The following CPED1 variants were observed in gnomAD, a reference collection of about 807,000 sequenced individuals.
CPED1 encodes cadherin-like and PC-esterase domain-containing protein 1.
Under a neutral mutation model 128.2 loss-of-function variants are expected in CPED1, and 114 were observed. The observed-to-expected ratio is 0.89, with a 90% CI of 0.76 to 1.04. The LOEUF is 1.04. CPED1 is among the 50% of genes least tolerant of loss of function. CPED1 has a pLI of 0.00. For synonymous variants in CPED1, 462 were observed against 426.7 expected (o/e 1.08, Z -1.02); for missense variants, 1,211 against 1,207.1 (o/e 1.00, Z -0.05).
At chr7:121,040,735 T>C (rs893890243) in intron 3 of CPED1, among the ~76,000 whole-genome samples, 3 of 152,002 alleles carry the variant, frequency 2.0e-5, no homozygotes, top group Non-Finnish European at 4.4e-5. Context: ...AGGAATATTA[T>C]GAATTACTAA....
chr7:121,048,237 T>C (rs969914602), intron 4 of CPED1, among the ~76,000 whole-genome samples: 3 of 152,184 alleles, frequency 2.0e-5, no homozygotes, highest in Non-Finnish European at 4.4e-5. Flanking sequence ...CTGCTGAACA[T>C]CTGCACCTGG....
chr7:121,195,337 A>G (rs1298729482), intron 16 of CPED1, among the ~76,000 whole-genome samples: 2 of 152,134 alleles, frequency 1.3e-5, no homozygotes, highest in African/African-American at 4.8e-5. Context: ...CCATAGTTTA[A>G]TTACTATCAT....
At chr7:121,006,030 T>G (rs192546112) in intron 2 of CPED1, among the ~76,000 whole-genome samples, 239 of 152,312 alleles carry the variant, frequency 1.6e-3, no homozygotes, top group African/African-American at 5.5e-3. Flanking sequence ...CAAACTCAGA[T>G]TCAGAGTCTC....
At chr7:121,066,616 C>T (rs1301843668) in intron 5 of CPED1, among the ~76,000 whole-genome samples, 1 of 151,876 alleles carries the variant, frequency 6.6e-6, no homozygotes, top group East Asian at 1.9e-4. Context: ...AGATCTTACC[C>T]CCTCTCACAA....
chr7:121,093,888 C>T (rs538901260), intron 5 of CPED1, among the ~76,000 whole-genome samples: 1 of 152,246 alleles, frequency 6.6e-6, no homozygotes, highest in Non-Finnish European at 1.5e-5. Context: ...TGTTAACAGT[C>T]CCTTCTTTAA....
chr7:121,014,236 A>G (rs10277935), intron 2 of CPED1, among the ~76,000 whole-genome samples: 71,512 of 152,036 alleles, frequency 0.47, 17,930 homozygotes, highest in South Asian at 0.65. Flanking sequence ...TATATGTTAA[A>G]TGATCTTGTG....
intron 22 of CPED1, among the ~76,000 whole-genome samples, chr7:121,271,694 C>G (rs1792232882): frequency 6.6e-6 from 1 of 152,032 alleles, no homozygotes; most frequent in African/African-American, 2.4e-5. Context: ...AATATGGGAA[C>G]CTGGAGAGCA....
chr7:121,142,248 C>A (rs1331020429), intron 16 of CPED1, 107 bp downstream of exon 16: 3 of 1,015,270 alleles, frequency 3.0e-6, no homozygotes, highest in Non-Finnish European at 4.4e-6. Context: ...GCCTTGAAAT[C>A]GAAACTGTGG....
chr7:121,233,073 A>G (rs1798172654), intron 16 of CPED1, among the ~76,000 whole-genome samples: 1 of 152,134 alleles, frequency 6.6e-6, no homozygotes, highest in Non-Finnish European at 1.5e-5. Context: ...AGGAAAAACC[A>G]AGAACATCAT....
At chr7:121,236,111 A>T (rs1280748320) in intron 16 of CPED1, among the ~76,000 whole-genome samples, 1 of 152,148 alleles carries the variant, frequency 6.6e-6, no homozygotes, top group Non-Finnish European at 1.5e-5. Flanking sequence ...GCAGAGGAAG[A>T]AGGAGAGAAG....
chr7:121,010,887 T>A (rs1052647129), intron 2 of CPED1, among the ~76,000 whole-genome samples: 5 of 152,200 alleles, frequency 3.3e-5, no homozygotes, highest in African/African-American at 1.2e-4. Flanking sequence ...AACATAAGTT[T>A]TAAATAGAAA....
intron 16 of CPED1, among the ~76,000 whole-genome samples, chr7:121,189,182 A>G (rs1259359533): frequency 2.6e-5 from 4 of 152,152 alleles, no homozygotes; most frequent in Non-Finnish European, 5.9e-5. Flanking sequence ...ATGAAGATGA[A>G]GGATACTTTG....
chr7:121,196,815 A>G (rs1797285032), intron 16 of CPED1, among the ~76,000 whole-genome samples: 1 of 151,416 alleles, frequency 6.6e-6, no homozygotes, highest in South Asian at 2.1e-4. Context: ...TTTTTTTTTC[A>G]GCTTTATTTT....
intron 18 of CPED1, among the ~76,000 whole-genome samples, chr7:121,251,568 A>C (rs956285993): frequency 1.1e-4 from 17 of 152,174 alleles, no homozygotes; most frequent in South Asian, 2.1e-4. Context: ...TAGAAAACCC[A>C]ATTGTCTCAG....
chr7:121,006,310 C>T (rs138292242), intron 2 of CPED1, among the ~76,000 whole-genome samples: 12 of 152,106 alleles, frequency 7.9e-5, no homozygotes, highest in East Asian at 1.9e-4. Context: ...TTCTTCATTA[C>T]GGACGTCCTT....
rs1491334288 is a variant in CPED1, at chr7:121,044,647, GCT to G, written c.434-2237_434-2236del. 3.4e-4 allele frequency among the ~76,000 whole-genome samples: 4 copies of G among 11,926 alleles called. 1 individual carries two copies. The highest frequency in any genetic ancestry group is 2.6e-3 in the East Asian group (1 of 384). 7.8% of individuals were successfully genotyped at this position (11,926 alleles called of 152,430 possible). On this transcript the variant is annotated intron_variant, in intron 3 of 22. Coordinates refer to ENST00000310396, the MANE Select transcript of CPED1 (RefSeq NM_024913.5). ...AGATTGCTGAGAGCAGTGACTTTCT[GCT>G]CTTTTTTTTTTTTTTTTTTTGCTAT...
intron 7 of CPED1, among the ~76,000 whole-genome samples, chr7:121,120,607 A>G (rs546007206): frequency 5.5e-4 from 84 of 152,250 alleles, no homozygotes; most frequent in Non-Finnish European, 1.0e-3. Flanking sequence ...TCATTCAAGA[A>G]CATTACTTTG....
chr7:121,200,988 G>A (rs1234492180), intron 16 of CPED1, among the ~76,000 whole-genome samples: 1 of 152,030 alleles, frequency 6.6e-6, no homozygotes, highest in Non-Finnish European at 1.5e-5. Flanking sequence ...ATAGGGCAAG[G>A]CACAGAATCA....
intron 18 of CPED1, among the ~76,000 whole-genome samples, chr7:121,247,980 C>A (rs892976952): frequency 1.3e-5 from 2 of 152,216 alleles, no homozygotes; most frequent in African/African-American, 2.4e-5. Flanking sequence ...TGCACAGCAG[C>A]CTCCACTGCA....
Sources: gnomAD v4.1 joint callset for allele counts (sites outside exome capture counted in the v4.1 genomes callset) on GRCh38, gnomAD v4.1.1 for gene constraint, MANE v1.5 for transcripts, NCBI Gene and HGNC (gene_info 2026-07-23, HGNC 2026-07-21) for gene names.